The following CLIP4 variants were observed in gnomAD, a reference collection of about 807,000 sequenced individuals.
CLIP4 encodes the protein CAP-Gly domain containing linker protein family member 4.
In CLIP4, 47 loss-of-function variants were observed where a neutral mutation model predicts 73.1. That is an observed-to-expected ratio of 0.64 (90% CI 0.51 to 0.82). The LOEUF (loss-of-function observed/expected upper bound fraction) is 0.82, where lower values mean the gene tolerates loss of function less well. Ranked by LOEUF, CLIP4 falls within the 40% of genes least tolerant of loss-of-function variation. The probability of loss-of-function intolerance (pLI) is 0.00; values close to 1 mark genes in which losing one functional copy is unlikely to be tolerated. For synonymous variants in CLIP4, 306 were observed against 295.4 expected (o/e 1.04, Z -0.37); for missense variants, 874 against 852.9 (o/e 1.02, Z -0.31).
At chr2:29,156,219 T>C (rs1666913485) in intron 9 of CLIP4, 135 bp from the exon 10 acceptor site, 4 of 575,244 alleles carry the variant, frequency 7.0e-6, no homozygotes, top group East Asian at 3.2e-5. Flanking sequence ...TCCTCATATG[T>C]CTGTGCAGTT....
chr2:29,132,266 T>C, intron 4 of CLIP4, 21 bp downstream of exon 4: 1 of 1,578,752 alleles, frequency 6.3e-7, no homozygotes. Flanking sequence ...GGTAAATCTA[T>C]CAGTTGCTTA....
At chr2:29,100,238 C>T (rs554703536) in intron 1 of CLIP4, among the ~76,000 whole-genome samples, 2 of 152,084 alleles carry the variant, frequency 1.3e-5, no homozygotes, top group African/African-American at 2.4e-5. Context: ...CCACAACTGA[C>T]TTTGGTATAT....
rs187000322 is a variant in CLIP4 at position 29,167,520 on chromosome 2, A to G, written c.1703A>G (p.Lys568Arg). The change falls in exon 14 of 16, where the codon AAA (lysine) becomes AGA (arginine). Residue 568 changes from lysine (K) to arginine (R), a missense_variant. Coordinates refer to ENST00000320081, the MANE Select transcript of CLIP4 (RefSeq NM_024692.6). ...LDTLSEISSN[K>R]QNHSYPGFRR... is the part of the protein sequence containing the mutation. ...ACCCTTTCAGAAATTTCTTCAAATA[A>G]ACAGAACCATTCTTATCCTGGTAAG... is the stretch of plus-strand genomic sequence containing the variant. 2.2e-4 allele frequency: 359 copies of G among 1,608,446 alleles called. 1 individual carries two copies. The East Asian group carries it at 7.7e-3, about 35-fold the overall frequency.
At chr2:29,180,688 TAG>T (rs1335809491) in intron 15 of CLIP4, among the ~76,000 whole-genome samples, 1 of 152,216 alleles carries the variant, frequency 6.6e-6, no homozygotes, top group Non-Finnish European at 1.5e-5. Context: ...GTCAAAATAC[TAG>T]ATTCTTTTTG....
intron 1 of CLIP4, among the ~76,000 whole-genome samples, chr2:29,120,419 T>C (rs1425155525): frequency 6.6e-6 from 1 of 152,146 alleles, no homozygotes; most frequent in Non-Finnish European, 1.5e-5. Context: ...GTTGGTTAAG[T>C]AGAACAGAGC....
Position 29,163,885 on chromosome 2 carries a change from T to C in CLIP4, c.1589T>C (p.Val530Ala). Residue 530 changes from valine to alanine, a missense_variant, in exon 13 of 16, where the codon GTT (valine) becomes GCT (alanine). Transcript: ENST00000320081. ...CCCCATGGCAAGAATGATGGTTCAG[T>C]TGGAGGTGTGCAGTATTTTAGCTGT... ...EKPHGKNDGS[V>A]GGVQYFSCSP... The C allele has an allele frequency of 1.2e-6, 2 of 1,613,644 alleles. No homozygotes were observed. The highest frequency in any genetic ancestry group is 1.7e-6 in the Non-Finnish European group (2 of 1,179,598).
intron 8 of CLIP4, among the ~76,000 whole-genome samples, chr2:29,152,477 AT>A (rs1666638811): frequency 6.6e-6 from 1 of 152,130 alleles, no homozygotes; most frequent in Non-Finnish European, 1.5e-5. Context: ...TGGTTCTTAC[AT>A]TATTGACGTG....
Position 29,176,027 on chromosome 2 carries a change from T to C in CLIP4, c.1796+1582T>C, listed in dbSNP as rs188584003. On this transcript the variant is annotated intron_variant, in intron 15 of 15. Coordinates refer to ENST00000320081, the MANE Select transcript of CLIP4 (RefSeq NM_024692.6). ...CTGCCCACCTTGGCCTCCCAAAGTG[T>C]TGGGATTACAGGCGTGAGCCACCGC... Among the ~76,000 whole-genome samples the C allele has an allele frequency of 5.7e-3, 870 of 152,284 alleles. 5 individuals are homozygous for C. Among genetic ancestry groups the C allele is most frequent in the Middle Eastern group, 0.014 (4 of 294 alleles).
chr2:29,146,608 T>C (rs541557319), intron 8 of CLIP4, among the ~76,000 whole-genome samples: 1 of 152,312 alleles, frequency 6.6e-6, no homozygotes, highest in South Asian at 2.1e-4. Flanking sequence ...AATATTCTTT[T>C]AGAACATTGT....
chr2:29,107,381 T>TTTGTTTTTTTTG, intron 1 of CLIP4, among the ~76,000 whole-genome samples: 1 of 129,398 alleles, frequency 7.7e-6, no homozygotes, highest in Admixed American at 7.8e-5. Flanking sequence ...TTTTTTTTTT[T>TTTGTTTTTTTTG]TTTTTTTTGA....
intron 15 of CLIP4, among the ~76,000 whole-genome samples, chr2:29,178,183 T>A (rs1668451623): frequency 1.4e-5 from 2 of 141,646 alleles, no homozygotes; most frequent in Admixed American, 1.4e-4. Flanking sequence ...TGTGTCTGAA[T>A]TTTTTTTTTT....
In CLIP4 at chr2:29,100,861, C is replaced by T. The variant is rs1452448958; in HGVS notation, c.-16+2914C>T. Reference sequence around the variant, plus strand: ...GGACAGGGTCCATTGTATTAGGGTGCTTTAGAGGGACAGAACTAATAGGAT... The same window carrying T: ...GGACAGGGTCCATTGTATTAGGGTGTTTTAGAGGGACAGAACTAATAGGAT... On this transcript the variant is annotated intron_variant, in intron 1 of 14. Coordinates refer to the CLIP4 transcript ENST00000401605. 3.9e-5 allele frequency among the ~76,000 whole-genome samples: 6 copies of T among 152,032 alleles called. No homozygotes were observed. The South Asian group carries it at 1.2e-3, about 32-fold the overall frequency.
intron 8 of CLIP4, among the ~76,000 whole-genome samples, chr2:29,152,375 T>C (rs1292234413): frequency 7.9e-6 from 1 of 126,466 alleles, no homozygotes; most frequent in African/African-American, 2.6e-5. Flanking sequence ...TTCTTAAAAG[T>C]TACCGTAAAG....
intron 1 of CLIP4, among the ~76,000 whole-genome samples, chr2:29,104,536 C>T (rs1668145029): frequency 6.6e-6 from 1 of 152,196 alleles, no homozygotes; most frequent in South Asian, 2.1e-4. Flanking sequence ...ATCCACCTGC[C>T]TCGGCCTCCC....
At chr2:29,125,894 G>T (rs1664569890) in intron 2 of CLIP4, among the ~76,000 whole-genome samples, 1 of 152,086 alleles carries the variant, frequency 6.6e-6, no homozygotes, top group African/African-American at 2.4e-5. Flanking sequence ...TATTTTTTAG[G>T]CCGGGCTTGG....
chr2:29,169,144 G>C (rs955939185), intron 14 of CLIP4, among the ~76,000 whole-genome samples: 2 of 152,138 alleles, frequency 1.3e-5, no homozygotes, highest in Non-Finnish European at 2.9e-5. Flanking sequence ...TGTATTAGTT[G>C]CTAGGGATGC....
intron 1 of CLIP4, among the ~76,000 whole-genome samples, chr2:29,121,069 G>A (rs1036247777): frequency 8.5e-5 from 13 of 152,176 alleles, no homozygotes; most frequent in African/African-American, 3.1e-4. Context: ...TGTTACATGA[G>A]TAGGAGGATT....
At chr2:29,109,546 A>G (rs1046982886) in intron 1 of CLIP4, among the ~76,000 whole-genome samples, 3 of 152,264 alleles carry the variant, frequency 2.0e-5, no homozygotes, top group African/African-American at 7.2e-5. Flanking sequence ...ATTTGAAACC[A>G]TATAATATAT....
intron 9 of CLIP4, among the ~76,000 whole-genome samples, chr2:29,155,409 CA>C (rs1666858050): frequency 8.9e-6 from 1 of 112,316 alleles, no homozygotes; most frequent in Non-Finnish European, 2.4e-5. Context: ...AGTGTATACA[CA>C]CACACACACA....
Sources: gnomAD v4.1 joint callset for allele counts (sites outside exome capture counted in the v4.1 genomes callset) on GRCh38, gnomAD v4.1.1 for gene constraint, MANE v1.5 for transcripts, NCBI Gene and HGNC (gene_info 2026-07-23, HGNC 2026-07-21) for gene names.